The following ZNF704 variants were observed in gnomAD, a reference collection of about 807,000 sequenced individuals.
The protein encoded by ZNF704 is zinc finger protein 704.
A neutral mutation model predicts 44.7 loss-of-function variants in ZNF704; 10 were observed. The ratio of observed to expected loss-of-function variants is 0.22; its 90% CI spans 0.14 to 0.38. The LOEUF is 0.38. Ranked by LOEUF, ZNF704 falls within the 10% of genes least tolerant of loss-of-function variation. The pLI, the probability that ZNF704 is intolerant of heterozygous loss-of-function variation, is 1.00. For synonymous variants in ZNF704, 211 were observed against 207.6 expected, an observed-to-expected ratio of 1.02 and a Z score of -0.14; for missense variants, 390 against 545.5, an observed-to-expected ratio of 0.71 and a Z score of 2.84.
intron 2 of ZNF704, among the ~76,000 whole-genome samples, chr8:80,714,391 G>C (rs1329820390): frequency 6.6e-6 from 1 of 152,150 alleles, no homozygotes; most frequent in Non-Finnish European, 1.5e-5. Flanking sequence ...GTAGTCATGA[G>C]ACTCTTTTTC....
At chr8:80,750,518 TTTTTTTC>T (rs1215266551) in intron 2 of ZNF704, among the ~76,000 whole-genome samples, 1 of 152,026 alleles carries the variant, frequency 6.6e-6, no homozygotes, top group Non-Finnish European at 1.5e-5. Context: ...TAAACTTTTT[TTTTTTTC>T]TTTTTTTGAG....
intron 1 of ZNF704, among the ~76,000 whole-genome samples, chr8:80,872,586 C>A (rs1005517169): frequency 1.3e-5 from 2 of 152,186 alleles, no homozygotes; most frequent in African/African-American, 4.8e-5. Context: ...AGAAAAATCA[C>A]TCACTCCATT....
At chr8:80,823,356 G>A (rs547902007) in intron 1 of ZNF704, among the ~76,000 whole-genome samples, 212 of 152,298 alleles carry the variant, frequency 1.4e-3, no homozygotes, top group Middle Eastern at 3.4e-3. Flanking sequence ...ACTGCAAGGC[G>A]GCAGCAAGGC....
intron 2 of ZNF704, among the ~76,000 whole-genome samples, chr8:80,798,175 C>G (rs1438972128): frequency 6.6e-6 from 1 of 151,976 alleles, no homozygotes; most frequent in South Asian, 2.1e-4. Context: ...CAGTTTATAA[C>G]AAGAAGGGCC....
At chr8:80,795,958 C>T (rs1022430901) in intron 2 of ZNF704, among the ~76,000 whole-genome samples, 1 of 152,110 alleles carries the variant, frequency 6.6e-6, no homozygotes, top group Non-Finnish European at 1.5e-5. Flanking sequence ...GCTGATGATA[C>T]TAATCACTTA....
intron 2 of ZNF704, among the ~76,000 whole-genome samples, chr8:80,800,501 C>T (rs1424872419): frequency 6.6e-6 from 1 of 152,078 alleles, no homozygotes; most frequent in Non-Finnish European, 1.5e-5. Flanking sequence ...ACTTGAGGGC[C>T]AATACCCAAA....
intron 2 of ZNF704, 72 bp downstream of exon 2, chr8:80,821,302 A>T: frequency 6.9e-7 from 1 of 1,442,710 alleles, no homozygotes; most frequent in Non-Finnish European, 9.7e-7. Context: ...GAGTCTGTAC[A>T]CTGGCAGAGA....
intron 2 of ZNF704, among the ~76,000 whole-genome samples, chr8:80,698,771 G>A (rs1432863328): frequency 6.6e-6 from 1 of 152,194 alleles, no homozygotes; most frequent in Non-Finnish European, 1.5e-5. Flanking sequence ...GCCCGGCCAG[G>A]TCTCATGCAT....
At position 80,874,002 on chromosome 8, in the gene ZNF704, G is replaced by A. The variant is rs1366146058; in HGVS notation, c.-22+569C>T. Among the ~76,000 whole-genome samples the A allele has an allele frequency of 6.8e-6, 1 of 146,744 alleles. No individual in the cohort carries two copies. The highest frequency in any genetic ancestry group is 2.0e-4 in the East Asian group (1 of 5,068). On this transcript the variant is annotated intron_variant, in intron 1 of 8. Coordinates refer to ENST00000327835, the MANE Select transcript of ZNF704 (RefSeq NM_001033723.3). The surrounding 1 kb of genome is among the most constrained non-coding windows in gnomAD (Gnocchi z 4.4). Reference sequence around the variant, plus strand: ...GGCTGCAGCGCGGCGCCCCCCCGGCGGCTGCCCAGGCTGGAGCGCTTGGCT... The same window carrying A: ...GGCTGCAGCGCGGCGCCCCCCCGGCAGCTGCCCAGGCTGGAGCGCTTGGCT...
At chr8:80,692,659 A>AT (rs2131637013) in intron 3 of ZNF704, among the ~76,000 whole-genome samples, 1 of 152,370 alleles carries the variant, frequency 6.6e-6, no homozygotes, top group South Asian at 2.1e-4. Context: ...CCAGTCAAAC[A>AT]GAAATAATGC....
chr8:80,653,207 A>G (rs2131598833), intron 7 of ZNF704, among the ~76,000 whole-genome samples: 1 of 152,352 alleles, frequency 6.6e-6, no homozygotes, highest in Non-Finnish European at 1.5e-5. Context: ...CCCATAGCCA[A>G]TATCATACTG....
chr8:80,644,085 G>A (rs906179221), intron 7 of ZNF704, among the ~76,000 whole-genome samples: 2 of 152,182 alleles, frequency 1.3e-5, no homozygotes, highest in Admixed American at 6.5e-5. Context: ...CTCACTATGT[G>A]CAGGTACACT....
chr8:80,837,845 G>C (rs1271152114), intron 1 of ZNF704, among the ~76,000 whole-genome samples: 1 of 152,042 alleles, frequency 6.6e-6, no homozygotes, highest in Non-Finnish European at 1.5e-5. Context: ...GGCCACACAG[G>C]GCCCCCTGAC....
At chr8:80,666,959 CTTTAT>C (rs1295314139) in intron 5 of ZNF704, among the ~76,000 whole-genome samples, 1 of 152,006 alleles carries the variant, frequency 6.6e-6, no homozygotes, top group Non-Finnish European at 1.5e-5. Context: ...TGCAGAAGCT[CTTTAT>C]TTTAATTAGA....
At chr8:80,810,855 C>T (rs1366915679) in intron 2 of ZNF704, among the ~76,000 whole-genome samples, 1 of 152,214 alleles carries the variant, frequency 6.6e-6, no homozygotes, top group African/African-American at 2.4e-5. Context: ...CAGCTAAATA[C>T]TGCCTGGCCC....
chr8:80,801,154 C>T lies in ZNF704; in HGVS notation c.221+20220G>A, dbSNP rs373052477. ...TATATATGCACCCAATACAGGAGAA[C>T]CCAGATTCATAAAGCAAGTTCTTAG... On this transcript the variant is annotated intron_variant, in intron 2 of 8. Transcript: ENST00000327835. Among the ~76,000 whole-genome samples the T allele has an allele frequency of 3.9e-5, 6 of 152,226 alleles. No individual in the cohort carries two copies. The East Asian group carries it at 7.7e-4, about 20-fold the overall frequency.
chr8:80,730,501 T>G (rs1474663397), intron 2 of ZNF704, among the ~76,000 whole-genome samples: 1 of 132,058 alleles, frequency 7.6e-6, no homozygotes, highest in Non-Finnish European at 1.5e-5. Flanking sequence ...GTCGTGCCAT[T>G]GCACTCCAGC....
chr8:80,797,345 G>A (rs1187316127), intron 2 of ZNF704, among the ~76,000 whole-genome samples: 1 of 152,178 alleles, frequency 6.6e-6, no homozygotes, highest in African/African-American at 2.4e-5. Context: ...GCTTGGCATT[G>A]CCCTAGTAGG....
chr8:80,789,986 G>A (rs550337050), intron 2 of ZNF704, among the ~76,000 whole-genome samples: 6 of 152,242 alleles, frequency 3.9e-5, no homozygotes, highest in South Asian at 4.1e-4. Context: ...ACAAGTATGC[G>A]TTTCAGAATC....
Sources: gnomAD v4.1 joint callset for allele counts (sites outside exome capture counted in the v4.1 genomes callset) on GRCh38, gnomAD v4.1.1 for gene constraint, Gnocchi (gnomAD v3.1) non-coding constraint, MANE v1.5 for transcripts, NCBI Gene and HGNC (gene_info 2026-07-23, HGNC 2026-07-21) for gene names.